Variants in GPALPP1 observed in about 807,000 individuals in gnomAD.
The protein encoded by GPALPP1 is GPALPP motifs-containing protein 1.
GPALPP1 carries 30 observed loss-of-function variants against 38.9 expected under a neutral mutation model. The observed-to-expected ratio is 0.77, with a 90% CI of 0.58 to 1.05. The LOEUF (loss-of-function observed/expected upper bound fraction) is 1.05, where lower values mean the gene tolerates loss of function less well. Ranked by LOEUF, GPALPP1 falls within the 50% of genes least tolerant of loss-of-function variation. The pLI, the probability that GPALPP1 is intolerant of heterozygous loss-of-function variation, is 0.00. For synonymous variants in GPALPP1, 120 were observed against 139.2 expected, an observed-to-expected ratio of 0.86 and a Z score of 0.97; for missense variants, 384 against 408.8, an observed-to-expected ratio of 0.94 and a Z score of 0.52.
At position 45,006,268 on chromosome 13, in the gene GPALPP1, T is replaced by C. The variant is rs1874098492; in HGVS notation, c.288T>C (p.Pro96=). 2 of 1,606,778 alleles carry C rather than the reference T, an allele frequency of 1.2e-6. No individual in the cohort carries two copies. Among genetic ancestry groups the C allele is most frequent in the South Asian group, 1.1e-5 (1 of 90,534 alleles). Residue 96 remains proline (P), a synonymous_variant, in exon 3 of 8, where the codon CCT becomes CCC. Transcript: ENST00000379151. ...ATGGGTTTTTTGGACCAGCCCTTCC[T>C]CCTGGATTTAAAAAGCAGGATGATT... is the stretch of plus-strand genomic sequence containing the variant. ...DDDGFFGPAL[P]PGFKKQDDSP...
At chr13:44,992,427 A>T (rs1351178889) in intron 1 of GPALPP1, among the ~76,000 whole-genome samples, 1 of 151,530 alleles carries the variant, frequency 6.6e-6, no homozygotes, top group African/African-American at 2.4e-5. Context: ...TGGTTTTTTC[A>T]CTCATGTTGG....
At chr13:45,025,048 GACTGGTAC>G (rs146816172) in intron 7 of GPALPP1, among the ~76,000 whole-genome samples, 9,514 of 152,196 alleles carry the variant, frequency 0.063, 447 homozygotes, top group East Asian at 0.18. Flanking sequence ...CTACTTGGTT[GACTGGTAC>G]ACTGAAACTT....
chr13:44,993,492 C>T (rs1239317431), intron 1 of GPALPP1, among the ~76,000 whole-genome samples: 1 of 152,010 alleles, frequency 6.6e-6, no homozygotes, highest in Non-Finnish European at 1.5e-5. Context: ...CAAAAATTAG[C>T]CAGGCGTGGT....
intron 4 of GPALPP1, among the ~76,000 whole-genome samples, chr13:45,010,535 C>T (rs55987536): frequency 6.6e-6 from 1 of 152,086 alleles, no homozygotes; most frequent in African/African-American, 2.4e-5. Flanking sequence ...AAGTATTTGT[C>T]GAATGAATGA....
At chr13:45,031,643 C>T (rs578191136), downstream of GPALPP1, 1 of 152,262 alleles carries the variant, frequency 6.6e-6, no homozygotes, top group African/African-American at 2.4e-5. Context: ...TTTGTGCCAA[C>T]CTGAGGATAA....
rs118059334 is a variant in GPALPP1 at position 45,000,177 on chromosome 13, G to A, written c.89-4128G>A. On this transcript the variant is annotated intron_variant, in intron 1 of 7. Transcript: ENST00000379151. ...CATGCCTGTAATCCCAGTGCTTTGG[G>A]AGGCCAAGGCAGGAAGATCACTTGA... Among the ~76,000 whole-genome samples the A allele has an allele frequency of 7.9e-3, 1,198 of 152,274 alleles. 9 individuals carry two copies. Among genetic ancestry groups the A allele is most frequent in the Non-Finnish European group, 0.014 (926 of 68,018 alleles).
At chr13:45,015,792 A>G (rs1278523936) in intron 6 of GPALPP1, among the ~76,000 whole-genome samples, 196 bp downstream of exon 6, 1 of 152,224 alleles carries the variant, frequency 6.6e-6, no homozygotes, top group Non-Finnish European at 1.5e-5. Flanking sequence ...ACTATTTCCC[A>G]ATAAACGGTC....
rs9534023 is a variant in GPALPP1 at position 45,028,905 on chromosome 13, A to T, written c.*902A>T. ...TCTCTATTAAAAATATATATATATA[A>T]AAATTAGCCAGGTGTGGTGGCACGT... On this transcript the variant is annotated 3_prime_UTR_variant, in exon 8 of 8. Coordinates refer to ENST00000379151, the MANE Select transcript of GPALPP1 (RefSeq NM_018559.5). 79,163 of 151,348 alleles carry T rather than the reference A, an allele frequency of 0.52. 24,654 individuals carry two copies. The highest frequency in any genetic ancestry group is 0.68 in the Non-Finnish European group (45,795 of 67,816). 9.4% of individuals were successfully genotyped at this position (151,348 alleles called of 1,614,324 possible).
downstream of GPALPP1, chr13:45,034,884 C>G (rs549957025): frequency 6.6e-6 from 1 of 150,794 alleles, no homozygotes; most frequent in Admixed American, 6.6e-5. Flanking sequence ...TACAGGCACC[C>G]GCCACCACAC....
chr13:45,019,480 A>G (rs1459434893), intron 6 of GPALPP1, among the ~76,000 whole-genome samples: 1 of 151,882 alleles, frequency 6.6e-6, no homozygotes, highest in Non-Finnish European at 1.5e-5. Context: ...TTGATCTTGT[A>G]TCCTGCAACT....
At chr13:45,036,753 C>G (rs1015922830) in exon 8 of GPALPP1, 2 of 152,088 alleles carry the variant, frequency 1.3e-5, no homozygotes, top group Non-Finnish European at 2.9e-5. Context: ...CAAGACCAAC[C>G]TGGGCAACGT....
chr13:45,021,640 T>TAA (rs962109384), intron 7 of GPALPP1, among the ~76,000 whole-genome samples: 1 of 105,280 alleles, frequency 9.5e-6, no homozygotes. Flanking sequence ...AAAAAAAACA[T>TAA]AAAAAAAAAA....
downstream of GPALPP1, among the ~76,000 whole-genome samples, chr13:45,032,275 AAAAG>A (rs1876236028): frequency 6.6e-6 from 1 of 152,232 alleles, no homozygotes; most frequent in East Asian, 1.9e-4. Flanking sequence ...AAAAAAAAGA[AAAAG>A]AAAAAAGAGA....
intron 6 of GPALPP1, among the ~76,000 whole-genome samples, chr13:45,019,051 A>G (rs1253528923): frequency 2.0e-5 from 1 of 49,122 alleles, no homozygotes; most frequent in Non-Finnish European, 5.1e-5. Context: ...ATATATAAAT[A>G]TAAATATATA....
intron 1 of GPALPP1, among the ~76,000 whole-genome samples, chr13:44,995,789 G>T (rs1873224875): frequency 6.6e-6 from 1 of 152,204 alleles, no homozygotes; most frequent in South Asian, 2.1e-4. Context: ...GGTGATCTGG[G>T]TGAGGCCTGA....
At position 45,011,810 on chromosome 13, in the gene GPALPP1, A is replaced by C. The variant is rs993103583; in HGVS notation, c.408+2931A>C. ...TGCCATGAGTGTAACTGAAGAATTTAGGCTAAGTACGAGGACTCCTTTCTA... is the reference window on the plus strand; with the variant it reads ...TGCCATGAGTGTAACTGAAGAATTTCGGCTAAGTACGAGGACTCCTTTCTA... On this transcript the variant is annotated intron_variant, in intron 4 of 7. Coordinates refer to ENST00000379151, the MANE Select transcript of GPALPP1 (RefSeq NM_018559.5). Among the ~76,000 whole-genome samples, 6 of 152,292 alleles carry C rather than the reference A, an allele frequency of 3.9e-5. No homozygotes were observed. In the East Asian group the frequency reaches 5.8e-4, roughly 15 times the overall value.
At chr13:45,017,439 T>C (rs1047834433) in intron 6 of GPALPP1, among the ~76,000 whole-genome samples, 3 of 152,186 alleles carry the variant, frequency 2.0e-5, no homozygotes, top group Admixed American at 2.0e-4. Flanking sequence ...ACAAAAACCT[T>C]GAAAGGGTGG....
intron 6 of GPALPP1, among the ~76,000 whole-genome samples, chr13:45,019,091 ATATATATT>A (rs2138001801): frequency 7.4e-6 from 1 of 134,922 alleles, no homozygotes; most frequent in African/African-American, 2.9e-5. Context: ...AAATATATGT[ATATATATT>A]TATATATATT....
intron 1 of GPALPP1, among the ~76,000 whole-genome samples, chr13:44,993,299 G>A (rs756542028): frequency 2.0e-5 from 3 of 152,072 alleles, no homozygotes; most frequent in Admixed American, 6.6e-5. Flanking sequence ...TCTTTTGGTC[G>A]TATACCCAGA....
Sources: allele counts gnomAD v4.1 joint callset (sites outside exome capture counted in the v4.1 genomes callset), GRCh38; gene constraint gnomAD v4.1.1; transcripts MANE v1.5; gene names NCBI Gene and HGNC (gene_info 2026-07-23, HGNC 2026-07-21).